The following COL23A1 variants were observed in gnomAD, a reference collection of about 807,000 sequenced individuals.
The protein encoded by COL23A1 is collagen type XXIII alpha 1 chain.
A neutral mutation model predicts 99.3 loss-of-function variants in COL23A1; 97 were observed. The observed-to-expected ratio is 0.98, with a 90% CI of 0.83 to 1.16. The LOEUF is 1.16. Ranked by LOEUF, COL23A1 falls within the 50% of genes most tolerant of loss-of-function variation. The pLI is 0.00. For missense variants in COL23A1, 762 were observed against 757.4 expected (o/e 1.01, Z -0.07); for synonymous variants, 320 against 308.2 (o/e 1.04, Z -0.40).
At position 178,384,443 on chromosome 5, in the gene COL23A1, C is replaced by T. The variant is rs1232522445; in HGVS notation, c.362-77524G>A. 6.6e-6 allele frequency among the ~76,000 whole-genome samples: 1 copy of T among 152,238 alleles called. No homozygotes were observed. The highest frequency in any genetic ancestry group is 2.4e-5 in the African/African-American group (1 of 41,462). On this transcript the variant is annotated intron_variant, in intron 2 of 28. Transcript: ENST00000390654. This position sits in a 1 kb window ranked among gnomAD's most constrained non-coding sequence, Gnocchi z 5.5. ...GTAAACCAGGCTTCGGCTTTCCAAG[C>T]CAGACCTCTCCTCCCTGCCCACCCC... is the stretch of plus-strand genomic sequence containing the variant.
chr5:178,503,285 G>C, intron 2 of COL23A1, among the ~76,000 whole-genome samples: 1 of 152,156 alleles, frequency 6.6e-6, no homozygotes, highest in East Asian at 1.9e-4. Context: ...GGGAGGTGGA[G>C]GTTAAAGTGA....
chr5:178,257,772 C>G (rs1343028161), intron 12 of COL23A1, among the ~76,000 whole-genome samples: 1 of 152,252 alleles, frequency 6.6e-6, no homozygotes, highest in African/African-American at 2.4e-5. Flanking sequence ...TCCCACCAGC[C>G]CAGGGCTGGC....
intron 2 of COL23A1, among the ~76,000 whole-genome samples, chr5:178,464,018 G>A (rs1419345478): frequency 6.6e-6 from 1 of 152,174 alleles, no homozygotes; most frequent in Non-Finnish European, 1.5e-5. Flanking sequence ...AACACCAGTT[G>A]GCAGGAGCTG....
At chr5:178,576,308 A>G (rs1763354575) in intron 1 of COL23A1, among the ~76,000 whole-genome samples, 1 of 151,942 alleles carries the variant, frequency 6.6e-6, no homozygotes, top group Non-Finnish European at 1.5e-5. Flanking sequence ...GCATGATGTT[A>G]GCTCACTGCA....
intron 3 of COL23A1, among the ~76,000 whole-genome samples, chr5:178,295,147 T>C (rs1757675138): frequency 6.6e-6 from 1 of 152,192 alleles, no homozygotes; most frequent in South Asian, 2.1e-4. Context: ...ATCACACCAC[T>C]GCACCCCGGC....
chr5:178,483,480 G>T (rs966020812), intron 2 of COL23A1, among the ~76,000 whole-genome samples: 1 of 152,146 alleles, frequency 6.6e-6, no homozygotes, highest in African/African-American at 2.4e-5. Flanking sequence ...CCCTTCTCCT[G>T]GCTTTCCAGC....
intron 2 of COL23A1, among the ~76,000 whole-genome samples, chr5:178,417,467 C>G (rs1399264900): frequency 6.6e-6 from 1 of 152,146 alleles, no homozygotes; most frequent in Non-Finnish European, 1.5e-5. Context: ...GATCACTGCC[C>G]AAAGGGGGAA....
intron 2 of COL23A1, among the ~76,000 whole-genome samples, chr5:178,493,607 G>A (rs772739931): frequency 2.6e-5 from 4 of 152,224 alleles, no homozygotes; most frequent in Non-Finnish European, 5.9e-5. Flanking sequence ...CCTGCCAGCC[G>A]CTCTGGCCAT....
In COL23A1 at chr5:178,325,051, C is replaced by A. The variant is rs112050163; in HGVS notation, c.362-18132G>T. ...CTATTCCCAGCTTTGCAGCTGTGCA[C>A]TGCAGCCCCAAGAGGCTGAGTGACC... is the stretch of plus-strand genomic sequence containing the variant. On this transcript the variant is annotated intron_variant, in intron 2 of 28. Coordinates refer to ENST00000390654, the MANE Select transcript of COL23A1 (RefSeq NM_173465.4). 8.5e-3 allele frequency among the ~76,000 whole-genome samples: 1,287 copies of A among 151,998 alleles called. 24 individuals are homozygous for A. The highest frequency in any genetic ancestry group is 0.029 in the African/African-American group (1,219 of 41,576).
At chr5:178,258,262 T>TATACATACATAC in intron 12 of COL23A1, among the ~76,000 whole-genome samples, 1 of 104,066 alleles carries the variant, frequency 9.6e-6, no homozygotes, top group East Asian at 2.5e-4. Flanking sequence ...TATATATATA[T>TATACATACATAC]ACACATGCAA....
chr5:178,496,309 G>T (rs1758198557), intron 2 of COL23A1, among the ~76,000 whole-genome samples: 1 of 152,122 alleles, frequency 6.6e-6, no homozygotes, highest in Admixed American at 6.5e-5. Context: ...CTCTGCCCCT[G>T]CTCCACAATG....
At chr5:178,512,355 T>C (rs955037537) in intron 2 of COL23A1, among the ~76,000 whole-genome samples, 7 of 152,258 alleles carry the variant, frequency 4.6e-5, no homozygotes, top group African/African-American at 1.4e-4. Flanking sequence ...GAGACAAAGA[T>C]ATAAATGTAC....
intron 19 of COL23A1, 27 bp from the exon 20 acceptor site, chr5:178,248,281 CCT>C: frequency 1.3e-6 from 2 of 1,592,758 alleles, no homozygotes. Context: ...GCCTGTGAGT[CCT>C]TTGTGTCCAG....
At chr5:178,526,086 T>C (rs1760292097) in intron 2 of COL23A1, among the ~76,000 whole-genome samples, 2 of 152,198 alleles carry the variant, frequency 1.3e-5, no homozygotes. Context: ...AGGGCTGCAG[T>C]AACCCAAGAG....
At chr5:178,270,206 A>G (rs946112315) in intron 6 of COL23A1, 131 bp downstream of exon 6, 8 of 1,047,748 alleles carry the variant, frequency 7.6e-6, no homozygotes, top group Non-Finnish European at 1.1e-5. Flanking sequence ...CAAGTCTGAC[A>G]CCCAAAAGGC....
Position 178,383,622 on chromosome 5 carries a change from C to T in COL23A1, c.362-76703G>A, listed in dbSNP as rs575930710. Among the ~76,000 whole-genome samples the T allele has an allele frequency of 1.7e-3, 261 of 152,344 alleles. 4 individuals carry two copies. The highest frequency in any genetic ancestry group is 6.2e-3 in the African/African-American group (257 of 41,586). Reference sequence around the variant, plus strand: ...GGGGTTGGAGAAGCCCCCCATCAGCCGTGACTTGTGTCCCAGGACTTTTCG... The same window carrying T: ...GGGGTTGGAGAAGCCCCCCATCAGCTGTGACTTGTGTCCCAGGACTTTTCG... On this transcript the variant is annotated intron_variant, in intron 2 of 28. Coordinates refer to ENST00000390654, the MANE Select transcript of COL23A1 (RefSeq NM_173465.4).
At chr5:178,381,160 T>C (rs1317477038) in intron 2 of COL23A1, among the ~76,000 whole-genome samples, 1 of 152,252 alleles carries the variant, frequency 6.6e-6, no homozygotes, top group Admixed American at 6.5e-5. Context: ...CCACTCCACC[T>C]GTGAGGATTG....
At chr5:178,574,514 G>A (rs755189101) in intron 1 of COL23A1, among the ~76,000 whole-genome samples, 18 of 152,268 alleles carry the variant, frequency 1.2e-4, no homozygotes, top group African/African-American at 3.6e-4. Context: ...CATTCTACTC[G>A]CCACGGGGTT....
intron 2 of COL23A1, among the ~76,000 whole-genome samples, chr5:178,347,539 G>A (rs1002870028): frequency 2.6e-5 from 4 of 151,984 alleles, no homozygotes; most frequent in East Asian, 3.9e-4. Context: ...AAAAACCACC[G>A]AGTCATACAC....
Sources: gnomAD v4.1 joint callset for allele counts (sites outside exome capture counted in the v4.1 genomes callset) on GRCh38, gnomAD v4.1.1 for gene constraint, Gnocchi (gnomAD v3.1) non-coding constraint, MANE v1.5 for transcripts, NCBI Gene and HGNC (gene_info 2026-07-23, HGNC 2026-07-21) for gene names.